The following ARHGEF10 variants were observed in gnomAD, a reference collection of about 807,000 sequenced individuals.
The protein encoded by ARHGEF10 is Rho guanine nucleotide exchange factor 10.
In ARHGEF10, 140 loss-of-function variants were observed where a neutral mutation model predicts 147.4. The observed-to-expected ratio is 0.95, with a 90% CI of 0.83 to 1.09. The LOEUF (loss-of-function observed/expected upper bound fraction) is 1.09, where lower values mean the gene tolerates loss of function less well. Among genes scored for constraint, ARHGEF10 ranks in the 50% least tolerant of loss-of-function variants. The probability of loss-of-function intolerance (pLI) is 0.00; values close to 1 mark genes in which losing one functional copy is unlikely to be tolerated. For missense variants in ARHGEF10, 2,222 were observed against 1,752.7 expected (o/e 1.27, Z -4.78); for synonymous variants, 902 against 695.8 (o/e 1.30, Z -4.67).
chr8:1,894,260 G>C (rs1245434496), intron 12 of ARHGEF10, 133 bp from the exon 13 acceptor site: 1 of 846,018 alleles, frequency 1.2e-6, no homozygotes, highest in Non-Finnish European at 1.9e-6. Flanking sequence ...TGAGGTGGGA[G>C]GATGGCTTGA....
intron 7 of ARHGEF10, among the ~76,000 whole-genome samples, chr8:1,875,405 C>A (rs1807610173): frequency 6.6e-6 from 1 of 152,102 alleles, no homozygotes; most frequent in Non-Finnish European, 1.5e-5. Context: ...CAGGATGACT[C>A]TTGGCTCTTG....
intron 2 of ARHGEF10, among the ~76,000 whole-genome samples, chr8:1,845,959 CA>C (rs1804528572): frequency 6.6e-6 from 1 of 152,242 alleles, no homozygotes; most frequent in Non-Finnish European, 1.5e-5. Context: ...GATTTCGACC[CA>C]GGGGAGAGTA....
intron 9 of ARHGEF10, 145 bp from the exon 10 acceptor site, chr8:1,882,490 A>G: frequency 1.3e-6 from 1 of 768,860 alleles, no homozygotes; most frequent in South Asian, 1.5e-5. Flanking sequence ...AAACAAAACC[A>G]AAACAAAACC....
At chr8:1,920,324 A>C (rs570612680) in intron 18 of ARHGEF10, among the ~76,000 whole-genome samples, 2 of 152,168 alleles carry the variant, frequency 1.3e-5, no homozygotes, top group Non-Finnish European at 2.9e-5. Context: ...TTATTTACTC[A>C]TTTATTTATT....
chr8:1,895,997 G>GA (rs1809940763), intron 13 of ARHGEF10, among the ~76,000 whole-genome samples: 1 of 152,146 alleles, frequency 6.6e-6, no homozygotes, highest in East Asian at 1.9e-4. Context: ...CCTGGAGGTT[G>GA]AACCCACCAA....
At chr8:1,865,392 C>T (rs941665895) in intron 5 of ARHGEF10, among the ~76,000 whole-genome samples, 4 of 151,492 alleles carry the variant, frequency 2.6e-5, no homozygotes, top group Non-Finnish European at 5.9e-5. Context: ...CCCCCAGCAC[C>T]CAGGGGGTGG....
At chr8:1,883,685 A>T (rs796190978) in intron 10 of ARHGEF10, among the ~76,000 whole-genome samples, 7 of 152,230 alleles carry the variant, frequency 4.6e-5, no homozygotes, top group African/African-American at 1.2e-4. Context: ...GGGCAGGTGC[A>T]TTCTAATAAA....
At chr8:1,943,167 G>C (rs1329353429) in intron 26 of ARHGEF10, among the ~76,000 whole-genome samples, 1 of 152,272 alleles carries the variant, frequency 6.6e-6, no homozygotes, top group Non-Finnish European at 1.5e-5. Flanking sequence ...GCACAGGCAG[G>C]AGGAGGGGAA....
intron 18 of ARHGEF10, among the ~76,000 whole-genome samples, chr8:1,914,529 C>T (rs1279110023): frequency 3.3e-5 from 5 of 152,258 alleles, no homozygotes; most frequent in Non-Finnish European, 7.3e-5. Flanking sequence ...GGTCACTGTT[C>T]TTGCTCCTTA....
At chr8:1,831,029 A>C (rs1356022737) in intron 1 of ARHGEF10, among the ~76,000 whole-genome samples, 1 of 152,228 alleles carries the variant, frequency 6.6e-6, no homozygotes, top group Non-Finnish European at 1.5e-5. Context: ...GCAAGAGGGG[A>C]CTGGTGAATG....
chr8:1,935,904 G>A (rs370285504), intron 26 of ARHGEF10, among the ~76,000 whole-genome samples: 23 of 152,220 alleles, frequency 1.5e-4, no homozygotes, highest in South Asian at 4.1e-4. Flanking sequence ...AGCAGGCTGC[G>A]GAACACTGTC....
chr8:1,922,401 G>A (rs995813373), intron 18 of ARHGEF10, among the ~76,000 whole-genome samples: 6 of 152,020 alleles, frequency 3.9e-5, no homozygotes, highest in East Asian at 1.9e-4. Flanking sequence ...TTATGTCAAC[G>A]GTGTCTAAAA....
At chr8:1,859,165 T>A (rs376639006) in intron 3 of ARHGEF10, among the ~76,000 whole-genome samples, 7,024 of 92,420 alleles carry the variant, frequency 0.076, 27 homozygotes, top group South Asian at 0.12. Context: ...GGTGTTTCTT[T>A]GTGCACAGCA....
At position 1,952,839 on chromosome 8, in the gene ARHGEF10, C is replaced by G; in HGVS notation, c.3520+12C>G. The G allele has an allele frequency of 6.2e-7, 1 of 1,613,758 alleles. No homozygotes were observed. Among genetic ancestry groups the G allele is most frequent in the Non-Finnish European group, 8.5e-7 (1 of 1,180,046 alleles). ...TCCCAAAGTGACCGGTGAGTGGCAC[C>G]TGCAGTCTGAGTGGCTGCATCCTGT... On this transcript the variant is annotated intron_variant, in intron 28 of 28. Coordinates refer to ENST00000349830, the MANE Select transcript of ARHGEF10 (RefSeq NM_014629.4).
chr8:1,940,236 A>G (rs917716807), intron 26 of ARHGEF10, among the ~76,000 whole-genome samples: 3 of 152,176 alleles, frequency 2.0e-5, no homozygotes, highest in Non-Finnish European at 2.9e-5. Context: ...AATCCTCTCT[A>G]TGGAAGTCGC....
chr8:1,911,708 T>C (rs1333958699), intron 18 of ARHGEF10, among the ~76,000 whole-genome samples: 1 of 152,158 alleles, frequency 6.6e-6, no homozygotes. Flanking sequence ...TGGTATCACA[T>C]CCATCATGTT....
intron 4 of ARHGEF10, among the ~76,000 whole-genome samples, chr8:1,863,302 C>A (rs1318938681): frequency 6.6e-6 from 1 of 152,242 alleles, no homozygotes; most frequent in Non-Finnish European, 1.5e-5. Flanking sequence ...TGTTGCTAGT[C>A]AGCATCCAGC....
rs143827879 is a variant in ARHGEF10 at position 1,914,337 on chromosome 8, T to A, written c.2143+4867T>A. ...GGCACGGAGGGGTCTGAGCAGCGCG[T>A]CCAGCCACAGCCCTGAGGGTTCTGG... On this transcript the variant is annotated intron_variant, in intron 18 of 28. Coordinates refer to ENST00000349830, the MANE Select transcript of ARHGEF10 (RefSeq NM_014629.4). Among the ~76,000 whole-genome samples, 1,020 of 152,308 alleles carry A rather than the reference T, an allele frequency of 6.7e-3. 22 individuals are homozygous for A. Among genetic ancestry groups the A allele is most frequent in the South Asian group, 0.045 (219 of 4,828 alleles).
intron 17 of ARHGEF10, among the ~76,000 whole-genome samples, 199 bp from the exon 18 acceptor site, chr8:1,909,096 C>G (rs1426876790): frequency 1.3e-5 from 2 of 152,318 alleles, no homozygotes; most frequent in East Asian, 1.9e-4. Flanking sequence ...TGCACTCTCT[C>G]TCATCCAGTT....
Sources: allele counts gnomAD v4.1 joint callset (sites outside exome capture counted in the v4.1 genomes callset), GRCh38; gene constraint gnomAD v4.1.1; transcripts MANE v1.5; gene names NCBI Gene and HGNC (gene_info 2026-07-23, HGNC 2026-07-21).